Variants in SDK1 observed in about 807,000 individuals in gnomAD.
SDK1 encodes the protein protein sidekick-1.
In SDK1, 157 loss-of-function variants were observed where a neutral mutation model predicts 245.5. The observed-to-expected ratio is 0.64, with a 90% CI of 0.56 to 0.73. The LOEUF (loss-of-function observed/expected upper bound fraction) is 0.73. Among genes scored for constraint, SDK1 ranks in the 30% least tolerant of loss-of-function variants. The pLI, the probability that SDK1 is intolerant of heterozygous loss-of-function variation, is 0.00. For missense variants in SDK1, 3,583 were observed against 3,002.3 expected, an observed-to-expected ratio of 1.19 and a Z score of -4.52; for synonymous variants, 1,647 against 1,278.5, an observed-to-expected ratio of 1.29 and a Z score of -6.15.
chr7:4,016,411 G>T (rs1408287763), intron 16 of SDK1, among the ~76,000 whole-genome samples: 1 of 152,224 alleles, frequency 6.6e-6, no homozygotes, highest in Non-Finnish European at 1.5e-5. Context: ...TCAGTTCAGT[G>T]CATTAACTTC....
chr7:3,617,319 G>A (rs1445979134), intron 1 of SDK1, among the ~76,000 whole-genome samples: 1 of 152,188 alleles, frequency 6.6e-6, no homozygotes, highest in Non-Finnish European at 1.5e-5. Flanking sequence ...CTAATGTACT[G>A]TAGAGTAACC....
chr7:3,865,054 G>C (rs1298257251), intron 5 of SDK1, among the ~76,000 whole-genome samples: 1 of 152,184 alleles, frequency 6.6e-6, no homozygotes, highest in Non-Finnish European at 1.5e-5. Context: ...CAGACGTCTT[G>C]GCTGTGGCAT....
intron 1 of SDK1, among the ~76,000 whole-genome samples, chr7:3,450,800 T>C (rs759354609): frequency 7.9e-5 from 12 of 152,032 alleles, no homozygotes; most frequent in Non-Finnish European, 1.5e-4. Context: ...GATGGAATAA[T>C]TGCATGAAGA....
chr7:4,113,551 C>A, intron 24 of SDK1, 112 bp downstream of exon 24: 1 of 1,259,666 alleles, frequency 7.9e-7, no homozygotes, highest in Non-Finnish European at 1.1e-6. Context: ...CTAGTCAAAA[C>A]TAATCTCATC....
At position 3,659,545 on chromosome 7, in the gene SDK1, T is replaced by C. The variant is rs576822160; in HGVS notation, c.713+17440T>C. ...TTCCAAGGCCGAAAGGGGGCCTGTG[T>C]GGTACATTCTCCGAGGAGAGTGGCC... On this transcript the variant is annotated intron_variant, in intron 4 of 44. Coordinates refer to ENST00000404826, the MANE Select transcript of SDK1 (RefSeq NM_152744.4). 6.6e-5 allele frequency among the ~76,000 whole-genome samples: 10 copies of C among 152,320 alleles called. No individual in the cohort carries two copies. In the South Asian group the frequency reaches 2.1e-3, roughly 32 times the overall value.
At chr7:3,436,966 C>T (rs748932055) in intron 1 of SDK1, among the ~76,000 whole-genome samples, 12 of 152,132 alleles carry the variant, frequency 7.9e-5, no homozygotes, top group East Asian at 1.9e-4. Context: ...GAATGTCTAA[C>T]GGATTAGTCA....
chr7:3,514,387 A>G (rs1422604253), intron 1 of SDK1, among the ~76,000 whole-genome samples: 1 of 152,232 alleles, frequency 6.6e-6, no homozygotes, highest in Non-Finnish European at 1.5e-5. Context: ...TAATTTACAT[A>G]TCAGTTGATG....
At chr7:3,680,102 A>G (rs1227462120) in intron 4 of SDK1, among the ~76,000 whole-genome samples, 1 of 152,218 alleles carries the variant, frequency 6.6e-6, no homozygotes, top group Non-Finnish European at 1.5e-5. Context: ...CCTTTGCGGC[A>G]ATAAAAGGAA....
At chr7:3,322,629 C>T (rs1460729952) in intron 1 of SDK1, among the ~76,000 whole-genome samples, 1 of 152,184 alleles carries the variant, frequency 6.6e-6, no homozygotes, top group East Asian at 1.9e-4. Flanking sequence ...TTGTTGCCTA[C>T]ACTTACTTTC....
chr7:3,900,022 C>T (rs777753721), intron 5 of SDK1, among the ~76,000 whole-genome samples: 20 of 152,296 alleles, frequency 1.3e-4, no homozygotes, highest in African/African-American at 3.8e-4. Context: ...AAGCTGTAAT[C>T]GGATACCAGT....
intron 27 of SDK1, chr7:4,130,304 T>C: frequency 6.6e-6 from 4 of 602,162 alleles, no homozygotes; most frequent in Non-Finnish European, 1.2e-5. Context: ...AGCCTAATTA[T>C]GAACCTGTAC....
At chr7:3,754,931 C>G (rs1387290214) in intron 4 of SDK1, among the ~76,000 whole-genome samples, 1 of 152,184 alleles carries the variant, frequency 6.6e-6, no homozygotes, top group Non-Finnish European at 1.5e-5. Context: ...CCTGGAGTTT[C>G]TTACATTACT....
At chr7:4,024,988 G>A (rs559617500) in intron 17 of SDK1, among the ~76,000 whole-genome samples, 7 of 150,418 alleles carry the variant, frequency 4.7e-5, no homozygotes, top group Admixed American at 6.6e-5. Context: ...TTTGGACTGC[G>A]GTGCACAATG....
intron 1 of SDK1, among the ~76,000 whole-genome samples, chr7:3,465,710 G>A (rs560809311): frequency 5.3e-5 from 8 of 152,240 alleles, no homozygotes; most frequent in Middle Eastern, 6.8e-3. Context: ...TCATTCAGGC[G>A]CGTGTCTGGG....
At chr7:3,643,227 G>C (rs1782708035) in intron 4 of SDK1, 1 of 151,058 alleles carries the variant, frequency 6.6e-6, no homozygotes, top group East Asian at 2.0e-4. Context: ...CTGAGCATCT[G>C]TGGAATCCCT....
chr7:4,258,581 T>G (rs1583191013), intron 44 of SDK1, among the ~76,000 whole-genome samples: 1 of 152,242 alleles, frequency 6.6e-6, no homozygotes, highest in African/African-American at 2.4e-5. Flanking sequence ...CTGCCACCTT[T>G]GGCTGAGAAA....
rs532757282 is a variant in SDK1, at chr7:4,214,322, C to T, written c.5539+4160C>T. Among the ~76,000 whole-genome samples, 25 of 152,326 alleles carry T rather than the reference C, an allele frequency of 1.6e-4. No homozygotes were observed. In the East Asian group the frequency reaches 4.4e-3, roughly 27 times the overall value. ...TCTAGACAAACCGCTGGCTGCACAG[C>T]CGAGTAGGGGGCCTGTCTCTCCCCT... On this transcript the variant is annotated intron_variant, in intron 38 of 44. Coordinates refer to ENST00000404826, the MANE Select transcript of SDK1 (RefSeq NM_152744.4).
intron 31 of SDK1, 45 bp from the exon 32 acceptor site, chr7:4,161,741 A>G (rs1263288491): frequency 3.2e-6 from 5 of 1,546,696 alleles, no homozygotes; most frequent in Non-Finnish European, 3.6e-6. Flanking sequence ...GCGGCAGAAC[A>G]TAACAACCAC....
At chr7:3,672,540 A>G (rs10249190) in intron 4 of SDK1, among the ~76,000 whole-genome samples, 4,597 of 147,554 alleles carry the variant, frequency 0.031, 281 homozygotes, top group African/African-American at 0.11. Context: ...CAATCTATTT[A>G]TAGATCCCAG....
Sources: allele counts gnomAD v4.1 joint callset (sites outside exome capture counted in the v4.1 genomes callset), GRCh38; gene constraint gnomAD v4.1.1; transcripts MANE v1.5; gene names NCBI Gene and HGNC (gene_info 2026-07-23, HGNC 2026-07-21).